TCF20: variants seen among roughly 807,000 people sequenced by gnomAD.
The protein encoded by TCF20 is transcription factor 20, also known as SPRE-binding protein.
TCF20 carries 3 observed loss-of-function variants against 148.6 expected under a neutral mutation model. The ratio of observed to expected loss-of-function variants is 0.02; its 90% CI spans 0.01 to 0.05. The LOEUF (loss-of-function observed/expected upper bound fraction) is 0.05, where lower values mean the gene tolerates loss of function less well. Among genes scored for constraint, TCF20 ranks in the 10% least tolerant of loss-of-function variants. TCF20 has a pLI of 1.00. For missense variants in TCF20, 2,350 were observed against 2,429.3 expected (o/e 0.97, Z 0.69); for synonymous variants, 1,049 against 909.5 (o/e 1.15, Z -2.76).
At chr22:42,258,547 A>G (rs1055617533) in intron 1 of TCF20, among the ~76,000 whole-genome samples, 1 of 152,156 alleles carries the variant, frequency 6.6e-6, no homozygotes. Context: ...CTGGTTTCAC[A>G]TACACTTAGG....
rs201557973 is a variant in TCF20 at position 42,209,856 on chromosome 22, C to T, written c.5450G>A (p.Ser1817Asn). Residue 1817 changes from serine to asparagine, a missense_variant, in exon 2 of 6, where the codon AGT becomes AAT. Around this residue, in one of 7 missense-constraint regions of TCF20, gnomAD observed 374 missense variants for 398.3 expected, o/e 0.94. Coordinates refer to ENST00000677622, the MANE Select transcript of TCF20 (RefSeq NM_001378418.1). The part of the protein sequence containing the change: ...PCKKAATEGS[S>N]EKTVLDSKPS... ...CTTCGAGTCCAAAACAGTCTTTTCACTGCTGCCCTCAGTGGCTGCTTTTTT... is the reference window on the plus strand; with the variant it reads ...CTTCGAGTCCAAAACAGTCTTTTCATTGCTGCCCTCAGTGGCTGCTTTTTT... 542 of 1,614,252 alleles carry T rather than the reference C, an allele frequency of 3.4e-4. 5 individuals carry two copies. In the South Asian group the frequency reaches 5.8e-3, roughly 17 times the overall value.
intron 1 of TCF20, among the ~76,000 whole-genome samples, chr22:42,289,059 G>A (rs1489318696): frequency 1.3e-5 from 2 of 152,240 alleles, no homozygotes; most frequent in Admixed American, 6.5e-5. Flanking sequence ...CAGTGAAGCA[G>A]TCAGGCGGGG....
At chr22:42,231,947 G>T (rs1441532713) in intron 1 of TCF20, among the ~76,000 whole-genome samples, 1 of 122,896 alleles carries the variant, frequency 8.1e-6, no homozygotes, top group African/African-American at 3.0e-5. Context: ...AAAAAAAAAA[G>T]TTACAGTAAT....
At chr22:42,330,526 C>A (rs549999122) in intron 1 of TCF20, among the ~76,000 whole-genome samples, 19 of 152,212 alleles carry the variant, frequency 1.2e-4, no homozygotes, top group Non-Finnish European at 2.6e-4. Flanking sequence ...GAGGTCACAG[C>A]CCCACAGTCT....
intron 3 of TCF20, among the ~76,000 whole-genome samples, chr22:42,174,510 T>C (rs1936320101): frequency 6.6e-6 from 1 of 152,202 alleles, no homozygotes; most frequent in South Asian, 2.1e-4. Context: ...GACCACTTCT[T>C]ACCCAGCTGC....
Position 42,292,485 on chromosome 22 carries a change from G to A in TCF20, c.-37+50994C>T, listed in dbSNP as rs1211284848. On this transcript the variant is annotated intron_variant, in intron 1 of 1. Coordinates refer to the TCF20 transcript ENST00000515426. The surrounding 1 kb of genome is among the most constrained non-coding windows in gnomAD (Gnocchi z 4.9). ...GACTCAGCTAGGACCCAGCACATACGCTGAGGATAGGGACATAACAAGGGC... is the reference window on the plus strand; with the variant it reads ...GACTCAGCTAGGACCCAGCACATACACTGAGGATAGGGACATAACAAGGGC... Among the ~76,000 whole-genome samples the A allele has an allele frequency of 6.6e-6, 1 of 152,168 alleles. No homozygotes were observed. Among genetic ancestry groups the A allele is most frequent in the Non-Finnish European group, 1.5e-5 (1 of 68,042 alleles).
At chr22:42,184,252 T>TA (rs953113025) in intron 2 of TCF20, among the ~76,000 whole-genome samples, 2 of 152,200 alleles carry the variant, frequency 1.3e-5, no homozygotes, top group African/African-American at 4.8e-5. Context: ...ATCACATAGC[T>TA]AGTAAGAGAA....
At chr22:42,305,692 T>C (rs1198191643) in intron 1 of TCF20, among the ~76,000 whole-genome samples, 1 of 152,104 alleles carries the variant, frequency 6.6e-6, no homozygotes, top group African/African-American at 2.4e-5. Context: ...CCAGACTGCC[T>C]TCCCTGGTCT....
At chr22:42,291,346 A>T (rs1391803743) in intron 1 of TCF20, among the ~76,000 whole-genome samples, 1 of 152,170 alleles carries the variant, frequency 6.6e-6, no homozygotes, top group African/African-American at 2.4e-5. Flanking sequence ...CAGGGCTTCC[A>T]GGAGGAAGCA....
chr22:42,296,578 A>G (rs773545946), intron 1 of TCF20, among the ~76,000 whole-genome samples: 2 of 152,044 alleles, frequency 1.3e-5, no homozygotes, highest in Non-Finnish European at 2.9e-5. Flanking sequence ...CCGGGATGCC[A>G]GCCAGCCAGA....
intron 3 of TCF20, among the ~76,000 whole-genome samples, chr22:42,174,705 CCT>C: frequency 6.6e-6 from 1 of 151,936 alleles, no homozygotes; most frequent in Admixed American, 6.5e-5. Flanking sequence ...ACAGTGAGAC[CCT>C]GTCTCAAAAA....
chr22:42,305,804 C>G (rs570507426), intron 1 of TCF20, among the ~76,000 whole-genome samples: 1 of 143,984 alleles, frequency 6.9e-6, no homozygotes, highest in African/African-American at 2.5e-5. Flanking sequence ...CACCCCAGAT[C>G]TGGCCCTCCC....
At chr22:42,254,309 C>T (rs970590621) in intron 1 of TCF20, among the ~76,000 whole-genome samples, 26 of 130,052 alleles carry the variant, frequency 2.0e-4, no homozygotes, top group Non-Finnish European at 4.0e-4. Context: ...AGCTCCACTC[C>T]ACTTTCTTTT....
chr22:42,303,916 A>G (rs1448933092), intron 1 of TCF20, among the ~76,000 whole-genome samples: 1 of 151,126 alleles, frequency 6.6e-6, no homozygotes, highest in Non-Finnish European at 1.5e-5. Flanking sequence ...GAGAAGAGAG[A>G]ATGGAGAAAG....
intron 1 of TCF20, among the ~76,000 whole-genome samples, chr22:42,257,067 G>A (rs1399959824): frequency 6.6e-6 from 1 of 152,192 alleles, no homozygotes; most frequent in Non-Finnish European, 1.5e-5. Context: ...GGCCGAGGAA[G>A]GAAGATCATT....
intron 1 of TCF20, among the ~76,000 whole-genome samples, chr22:42,241,019 C>G (rs1158489836): frequency 6.6e-6 from 1 of 152,114 alleles, no homozygotes; most frequent in Non-Finnish European, 1.5e-5. Flanking sequence ...TCACGCCCGG[C>G]TAATTTCTGT....
intron 1 of TCF20, among the ~76,000 whole-genome samples, chr22:42,325,509 T>C (rs1927859018): frequency 1.3e-5 from 2 of 152,138 alleles, no homozygotes; most frequent in South Asian, 2.1e-4. Context: ...GCAGTACTCA[T>C]GCACACGGTG....
At chr22:42,208,069 G>A (rs1938512071) in intron 2 of TCF20, among the ~76,000 whole-genome samples, 1 of 152,032 alleles carries the variant, frequency 6.6e-6, no homozygotes, top group African/African-American at 2.4e-5. Flanking sequence ...GCATGCACCT[G>A]TGGTCCAGCT....
chr22:42,330,635 T>C (rs1927957218), intron 1 of TCF20, among the ~76,000 whole-genome samples: 1 of 152,024 alleles, frequency 6.6e-6, no homozygotes, highest in Non-Finnish European at 1.5e-5. Flanking sequence ...AATAAATGAG[T>C]GGATGAGTGA....
Sources: allele counts gnomAD v4.1 joint callset (sites outside exome capture counted in the v4.1 genomes callset), GRCh38; gene constraint gnomAD v4.1.1; regional missense constraint gnomAD v4.1.1; non-coding constraint Gnocchi (gnomAD v3.1); transcripts MANE v1.5; gene names NCBI Gene and HGNC (gene_info 2026-07-23, HGNC 2026-07-21).